DOCK9: variants seen among roughly 807,000 people sequenced by gnomAD.
DOCK9 encodes dedicator of cytokinesis 9, also known as dedicator of cytokinesis protein 9.
DOCK9 carries 89 observed loss-of-function variants against 263.3 expected under a neutral mutation model. That is an observed-to-expected ratio of 0.34 (90% CI 0.28 to 0.40). The LOEUF is 0.40. Ranked by LOEUF, DOCK9 falls within the 10% of genes least tolerant of loss-of-function variation. DOCK9 has a pLI of 1.00. For missense variants in DOCK9, 2,140 were observed against 2,603.4 expected, an observed-to-expected ratio of 0.82 and a Z score of 3.87; for synonymous variants, 976 against 973.1, an observed-to-expected ratio of 1.00 and a Z score of -0.06.
intron 1 of DOCK9, among the ~76,000 whole-genome samples, chr13:98,986,978 A>C (rs1315811207): frequency 6.6e-6 from 1 of 152,166 alleles, no homozygotes; most frequent in Non-Finnish European, 1.5e-5. Flanking sequence ...AAATCAAAGC[A>C]CACATCATAT....
intron 33 of DOCK9, chr13:98,860,071 TC>T (rs1367476639): frequency 1.9e-5 from 11 of 569,064 alleles, no homozygotes; most frequent in South Asian, 7.8e-5. Context: ...AGTGTTCCCC[TC>T]CCCCCACCAC....
intron 18 of DOCK9, 111 bp downstream of exon 18, chr13:98,888,045 TTG>T: frequency 1.5e-6 from 1 of 682,514 alleles, no homozygotes; most frequent in Non-Finnish European, 2.4e-6. Context: ...TATTTTTGAT[TTG>T]TGTCAATTAA....
At chr13:99,034,834 A>G (rs1011411665) in intron 1 of DOCK9, among the ~76,000 whole-genome samples, 11 of 152,260 alleles carry the variant, frequency 7.2e-5, no homozygotes, top group Non-Finnish European at 1.2e-4. Flanking sequence ...GCCAGAACAC[A>G]GGCAGTAAAG....
chr13:98,826,091 T>C, intron 44 of DOCK9: 1 of 504,466 alleles, frequency 2.0e-6, no homozygotes, highest in Non-Finnish European at 3.3e-6. Flanking sequence ...ATACAGTCTG[T>C]GGCCTCGGCA....
At chr13:99,011,787 C>T (rs1595901371) in intron 1 of DOCK9, among the ~76,000 whole-genome samples, 1 of 152,130 alleles carries the variant, frequency 6.6e-6, no homozygotes, top group South Asian at 2.1e-4. Flanking sequence ...AGGATTCAAA[C>T]CCCAAAGGCT....
intron 45 of DOCK9, chr13:98,820,671 A>G: frequency 4.6e-6 from 2 of 435,570 alleles, no homozygotes; most frequent in East Asian, 7.5e-5. Flanking sequence ...TTTCTTAATT[A>G]CTGTATTTTG....
chr13:98,826,694 G>A, intron 44 of DOCK9, 136 bp downstream of exon 44: 1 of 673,780 alleles, frequency 1.5e-6, no homozygotes, highest in South Asian at 2.1e-5. Context: ...CATCACGCCA[G>A]GGGATAAAAC....
intron 7 of DOCK9, among the ~76,000 whole-genome samples, chr13:98,920,489 C>T (rs1317391076): frequency 6.6e-6 from 1 of 152,174 alleles, no homozygotes; most frequent in African/African-American, 2.4e-5. Flanking sequence ...CAAGGTTACA[C>T]AGTTGGTAAG....
At chr13:98,892,258 A>C (rs1238680875) in intron 15 of DOCK9, among the ~76,000 whole-genome samples, 1 of 152,126 alleles carries the variant, frequency 6.6e-6, no homozygotes, top group Non-Finnish European at 1.5e-5. Flanking sequence ...CTGCTGACTC[A>C]ACAATTCCCA....
At chr13:98,832,767 G>A (rs1011232769) in intron 39 of DOCK9, among the ~76,000 whole-genome samples, 2 of 152,226 alleles carry the variant, frequency 1.3e-5, no homozygotes, top group African/African-American at 4.8e-5. Context: ...AACGATAGGT[G>A]TGTGCATTCT....
intron 1 of DOCK9, among the ~76,000 whole-genome samples, chr13:99,002,376 C>A (rs991110956): frequency 1.3e-5 from 2 of 152,148 alleles, no homozygotes; most frequent in African/African-American, 4.8e-5. Context: ...CCAGAGCATT[C>A]CAAAGGCTGA....
chr13:98,979,544 T>G (rs1248407710), upstream of DOCK9, among the ~76,000 whole-genome samples: 1 of 151,930 alleles, frequency 6.6e-6, no homozygotes, highest in African/African-American at 2.4e-5. Context: ...CCAGGAACCC[T>G]TCTGAGTGTG....
chr13:98,828,326 GTTC>G (rs2092625523), intron 43 of DOCK9, among the ~76,000 whole-genome samples: 1 of 152,176 alleles, frequency 6.6e-6, no homozygotes, highest in Admixed American at 6.5e-5. Context: ...AGCTTAGTAA[GTTC>G]TTCCTTTCTT....
intron 36 of DOCK9, 83 bp downstream of exon 36, chr13:98,849,964 G>T: frequency 1.0e-6 from 1 of 993,502 alleles, no homozygotes; most frequent in Non-Finnish European, 1.5e-6. Context: ...CTACTCCTCT[G>T]GTTCAACTAC....
rs550164022 is a variant in DOCK9 at position 98,923,160 on chromosome 13, A to T, written c.486+142T>A. On this transcript the variant is annotated intron_variant, in intron 5 of 52. Transcript: ENST00000682017. The stretch of plus-strand genomic sequence containing the variant: ...ATTCCAATCAATCAATAACATTTTT[A>T]AAAAATTATTCCCGTTTCATGTAAC... 8.0e-5 allele frequency: 58 copies of T among 721,934 alleles called. 1 individual carries two copies. The South Asian group carries it at 1.0e-3, about 12-fold the overall frequency. The allele number at this position is 721,934 out of a possible 1,614,324, so 44.7% of individuals were successfully genotyped here.
intron 1 of DOCK9, among the ~76,000 whole-genome samples, chr13:98,984,444 T>C (rs1229675379): frequency 2.6e-5 from 4 of 152,082 alleles, no homozygotes; most frequent in Non-Finnish European, 5.9e-5. Flanking sequence ...GCAAATAACA[T>C]AACCAATAAA....
chr13:98,807,443 A>G (rs1317269917), intron 48 of DOCK9, among the ~76,000 whole-genome samples: 1 of 152,226 alleles, frequency 6.6e-6, no homozygotes, highest in East Asian at 1.9e-4. Flanking sequence ...ATTATTTTGT[A>G]AAATTAGATG....
chr13:99,021,310 T>C (rs1037478020), intron 1 of DOCK9, among the ~76,000 whole-genome samples: 3 of 152,156 alleles, frequency 2.0e-5, no homozygotes, highest in African/African-American at 7.2e-5. Flanking sequence ...TATAGCAAAT[T>C]CAAACAACAA....
At chr13:98,799,038 A>C (rs1477011033) in intron 50 of DOCK9, among the ~76,000 whole-genome samples, 1 of 152,126 alleles carries the variant, frequency 6.6e-6, no homozygotes, top group African/African-American at 2.4e-5. Context: ...TGGCCTCTGG[A>C]CCTGTTACAT....
Sources: allele counts gnomAD v4.1 joint callset (sites outside exome capture counted in the v4.1 genomes callset), GRCh38; gene constraint gnomAD v4.1.1; transcripts MANE v1.5; gene names NCBI Gene and HGNC (gene_info 2026-07-23, HGNC 2026-07-21).